UGT1A8: variants seen among roughly 807,000 people sequenced by gnomAD.
UGT1A8 encodes the protein UDP glucuronosyltransferase family 1 member A8.
UGT1A8 carries 39 observed loss-of-function variants against 45.3 expected under a neutral mutation model. The ratio of observed to expected loss-of-function variants is 0.86; its 90% confidence interval spans 0.67 to 1.12. UGT1A8 has a LOEUF of 1.12. Ranked by LOEUF, UGT1A8 falls within the 50% of genes most tolerant of loss-of-function variation. UGT1A8 has a pLI of 0.00. For synonymous variants in UGT1A8, 275 were observed against 249.2 expected (o/e 1.10, Z -0.97); for missense variants, 719 against 664.9 (o/e 1.08, Z -0.90).
chr2:233,743,068 G>A (rs397839835), intron 1 of UGT1A8: 3 of 339,878 alleles, frequency 8.8e-6, no homozygotes, highest in South Asian at 7.2e-5. Flanking sequence ...AAGAACAGGT[G>A]TTGGCATGAA....
intron 1 of UGT1A8, among the ~76,000 whole-genome samples, chr2:233,647,599 C>T (rs1418442206): frequency 6.6e-6 from 1 of 152,144 alleles, no homozygotes; most frequent in Non-Finnish European, 1.5e-5. Context: ...TTATTAATTT[C>T]TTCTTGTGTA....
intron 1 of UGT1A8, chr2:233,718,776 G>T (rs2076682469): frequency 6.2e-6 from 10 of 1,612,920 alleles, no homozygotes; most frequent in Non-Finnish European, 8.5e-6. Context: ...AATGTAGCAG[G>T]CACAGCGTGG....
At chr2:233,665,832 G>A (rs2074066249) in intron 1 of UGT1A8, among the ~76,000 whole-genome samples, 1 of 152,156 alleles carries the variant, frequency 6.6e-6, no homozygotes, top group South Asian at 2.1e-4. Flanking sequence ...TATGGTAGGT[G>A]TATGGTTACC....
intron 1 of UGT1A8, among the ~76,000 whole-genome samples, chr2:233,630,680 A>T (rs998044339): frequency 5.9e-5 from 9 of 152,132 alleles, no homozygotes; most frequent in African/African-American, 2.2e-4. Context: ...ACATGGCAAG[A>T]GCAGGAGCAA....
rs577014868 is a variant in UGT1A8, at chr2:233,772,525, G to A, written c.1559G>A (p.Arg520Gln). 2.1e-5 allele frequency: 34 copies of A among 1,614,136 alleles called. 1 individual carries two copies. In the South Asian group the frequency reaches 2.9e-4, roughly 14 times the overall value. The stretch of plus-strand genomic sequence containing the variant: ...CGGAAATGCTTGGGGAAAAAAGGGC[G>A]AGTTAAGAAAGCCCACAAATCCAAG... ...GYRKCLGKKG[R>Q]VKKAHKSKTH The change falls in exon 5 of 5, where the codon CGA becomes CAA. Residue 520 changes from arginine (R) to glutamine (Q), a missense_variant. Transcript: ENST00000373450.
chr2:233,729,082 G>T (rs2077787378), intron 1 of UGT1A8: 1 of 1,612,130 alleles, frequency 6.2e-7, no homozygotes, highest in Admixed American at 1.7e-5. Flanking sequence ...AATGTAGCAG[G>T]CACAGCGTGG....
In UGT1A8 at chr2:233,683,614, C is replaced by T. The variant is rs562687915; in HGVS notation, c.855+65052C>T. On this transcript the variant is annotated intron_variant, in intron 1 of 4. Transcript: ENST00000373450. ...GAATCCCTCATTATTTATTCGGATT[C>T]TGTTTTATTTCCATAAATAAAATTT... Among the ~76,000 whole-genome samples, 107 of 152,184 alleles carry T rather than the reference C, an allele frequency of 7.0e-4. 1 individual carries two copies. The highest frequency in any genetic ancestry group is 2.3e-3 in the African/African-American group (97 of 41,542).
intron 1 of UGT1A8, chr2:233,761,022 G>A (rs749651784): frequency 1.2e-6 from 2 of 1,614,120 alleles, no homozygotes; most frequent in Non-Finnish European, 1.7e-6. Context: ...TGACTGTCCA[G>A]GACCTATTGA....
chr2:233,692,988 C>T, intron 1 of UGT1A8: 1 of 1,613,764 alleles, frequency 6.2e-7, no homozygotes. Context: ...ACCGTTGTTA[C>T]TTTAACTCTT....
chr2:233,728,584 C>T (rs553325629), intron 1 of UGT1A8, among the ~76,000 whole-genome samples: 5 of 152,182 alleles, frequency 3.3e-5, no homozygotes, highest in Non-Finnish European at 7.3e-5. Flanking sequence ...GAAAAACGAC[C>T]AAAACCACAT....
At chr2:233,717,135 C>T (rs1269027331) in intron 1 of UGT1A8, among the ~76,000 whole-genome samples, 2 of 152,326 alleles carry the variant, frequency 1.3e-5, no homozygotes, top group Middle Eastern at 3.4e-3. Flanking sequence ...TAGAACACCA[C>T]TACATGGAAA....
At chr2:233,639,884 A>T (rs989684788) in intron 1 of UGT1A8, among the ~76,000 whole-genome samples, 25 of 152,258 alleles carry the variant, frequency 1.6e-4, no homozygotes, top group African/African-American at 6.0e-4. Flanking sequence ...TAAATAATTC[A>T]GCAGAACATT....
intron 1 of UGT1A8, chr2:233,693,591 A>T: frequency 6.2e-7 from 1 of 1,614,232 alleles, no homozygotes; most frequent in Non-Finnish European, 8.5e-7. Context: ...CCCAGGTGCT[A>T]CACAAAGTTT....
chr2:233,620,097 T>C (rs1292121715), intron 1 of UGT1A8, among the ~76,000 whole-genome samples: 2 of 152,202 alleles, frequency 1.3e-5, no homozygotes, highest in Non-Finnish European at 2.9e-5. Flanking sequence ...TAAGGTTCAG[T>C]AGACTTTGTA....
chr2:233,708,213 A>G (rs1473084405), intron 1 of UGT1A8, among the ~76,000 whole-genome samples: 1 of 152,212 alleles, frequency 6.6e-6, no homozygotes, highest in Non-Finnish European at 1.5e-5. Context: ...AGGCATTAAC[A>G]ATTTATTCTT....
In UGT1A8 at chr2:233,761,530, G is replaced by A. The variant is rs544153828; in HGVS notation, c.856-5504G>A. Among the ~76,000 whole-genome samples, 10 of 152,346 alleles carry A rather than the reference G, an allele frequency of 6.6e-5. No homozygotes were observed. In the East Asian group the frequency reaches 9.7e-4, roughly 15 times the overall value. ...CAGGCAGGCAATGTTCAGGACTGAT[G>A]AAATCATTCTTTGATGATGATAGAT... On this transcript the variant is annotated intron_variant, in intron 1 of 4. Coordinates refer to ENST00000373450, the MANE Select transcript of UGT1A8 (RefSeq NM_019076.5).
At chr2:233,695,806 G>A (rs1375966013) in intron 1 of UGT1A8, among the ~76,000 whole-genome samples, 3 of 152,098 alleles carry the variant, frequency 2.0e-5, no homozygotes, top group Non-Finnish European at 4.4e-5. Context: ...CTATCTGTGA[G>A]TGGAAAACAA....
chr2:233,629,876 G>A (rs532306756), intron 1 of UGT1A8, among the ~76,000 whole-genome samples: 1 of 152,042 alleles, frequency 6.6e-6, no homozygotes, highest in Non-Finnish European at 1.5e-5. Flanking sequence ...TTAACAAAAT[G>A]TGTCCATTCT....
At chr2:233,754,470 A>G in intron 1 of UGT1A8, 2 of 357,144 alleles carry the variant, frequency 5.6e-6, no homozygotes, top group South Asian at 2.2e-5. Context: ...TTCTGAAAGT[A>G]AAGTTCACTT....
Sources: allele counts gnomAD v4.1 joint callset (sites outside exome capture counted in the v4.1 genomes callset), GRCh38; gene constraint gnomAD v4.1.1; transcripts MANE v1.5; gene names NCBI Gene and HGNC (gene_info 2026-07-23, HGNC 2026-07-21).